The following PCDHA5 variants were observed in gnomAD, a reference collection of about 807,000 sequenced individuals.
The protein encoded by PCDHA5 is protocadherin alpha-5.
In PCDHA5, 43 loss-of-function variants were observed where a neutral mutation model predicts 61.6. The ratio of observed to expected loss-of-function variants is 0.70; its 90% CI spans 0.55 to 0.90. PCDHA5 has a LOEUF of 0.90. Among genes scored for constraint, PCDHA5 ranks in the 40% least tolerant of loss-of-function variants. The pLI, the probability that PCDHA5 is intolerant of heterozygous loss-of-function variation, is 0.00. For missense variants in PCDHA5, 1,298 were observed against 1,222.7 expected, an observed-to-expected ratio of 1.06 and a Z score of -0.92; for synonymous variants, 627 against 543.9, an observed-to-expected ratio of 1.15 and a Z score of -2.13.
intron 1 of PCDHA5, among the ~76,000 whole-genome samples, chr5:140,893,945 A>T (rs1293077869): frequency 6.6e-6 from 1 of 152,180 alleles, no homozygotes; most frequent in Non-Finnish European, 1.5e-5. Flanking sequence ...TTAATTCTGC[A>T]TGACTTTATT....
At chr5:140,869,141 G>A in intron 1 of PCDHA5, 1 of 1,613,314 alleles carries the variant, frequency 6.2e-7, no homozygotes, top group Non-Finnish European at 8.5e-7. Context: ...GGCACCCCAC[G>A]ACTACAGCTC....
intron 1 of PCDHA5, chr5:140,929,360 C>G (rs781864515): frequency 5.3e-6 from 8 of 1,519,748 alleles, no homozygotes; most frequent in Non-Finnish European, 6.2e-6. Flanking sequence ...TTCCTTTGGC[C>G]CGGAGATGGC....
intron 1 of PCDHA5, chr5:140,969,495 C>A: frequency 7.0e-7 from 1 of 1,437,888 alleles, no homozygotes; most frequent in South Asian, 1.5e-5. Flanking sequence ...TATTTCCTCT[C>A]TAGAAAAATA....
intron 3 of PCDHA5, among the ~76,000 whole-genome samples, chr5:140,985,081 G>C (rs1028077723): frequency 1.3e-5 from 2 of 152,088 alleles, no homozygotes; most frequent in African/African-American, 4.8e-5. Flanking sequence ...GAGACTACAG[G>C]CGTGTGCCAC....
intron 1 of PCDHA5, chr5:140,849,988 G>A (rs2150461736): frequency 1.8e-5 from 29 of 1,597,364 alleles, no homozygotes; most frequent in African/African-American, 4.0e-5. Flanking sequence ...GTGGAGCGGC[G>A]GTTGGGCGAG....
rs2150379326 is a variant in PCDHA5, at chr5:140,845,496, G to C, written c.2352+21369G>C. ...GGGGTTGTGCTTTCACAGTGAGAAA[G>C]TCTAAACCTATTTCTTGTACATTAA... On this transcript the variant is annotated intron_variant, in intron 1 of 3. Transcript: ENST00000529859. Among the ~76,000 whole-genome samples, 24 of 149,650 alleles carry C rather than the reference G, an allele frequency of 1.6e-4. 3 individuals are homozygous for C. Among genetic ancestry groups the C allele is most frequent in the Non-Finnish European group, 3.4e-4 (23 of 66,862 alleles).
At chr5:140,838,152 C>T (rs1353802529) in intron 1 of PCDHA5, among the ~76,000 whole-genome samples, 1 of 150,110 alleles carries the variant, frequency 6.7e-6, no homozygotes, top group African/African-American at 2.5e-5. Context: ...TTTACTCTGT[C>T]GCCCTCTCTG....
intron 1 of PCDHA5, chr5:140,841,722 G>A (rs2150321630): frequency 1.2e-6 from 2 of 1,613,870 alleles, no homozygotes; most frequent in Admixed American, 1.7e-5. Context: ...CCAGTGTTCC[G>A]GGTAAAAGAC....
intron 1 of PCDHA5, among the ~76,000 whole-genome samples, chr5:140,956,087 C>T (rs2095255787): frequency 6.6e-6 from 1 of 152,178 alleles, no homozygotes; most frequent in Admixed American, 6.5e-5. Context: ...ATCATGTCAT[C>T]TGCAAACAAA....
At chr5:140,846,097 A>G (rs1554141144) in intron 1 of PCDHA5, among the ~76,000 whole-genome samples, 1 of 149,760 alleles carries the variant, frequency 6.7e-6, no homozygotes, top group African/African-American at 2.4e-5. Context: ...CCTTCCAAGG[A>G]ATGTGTAGAC....
intron 1 of PCDHA5, among the ~76,000 whole-genome samples, chr5:140,952,282 C>A (rs12187982): frequency 0.12 from 17,942 of 151,036 alleles, 1,209 homozygotes; most frequent in Middle Eastern, 0.19. Context: ...AGGGTGGTGG[C>A]CCTCTTCTCA....
At chr5:140,969,221 C>A (rs1222433541) in intron 1 of PCDHA5, 1 of 1,614,040 alleles carries the variant, frequency 6.2e-7, no homozygotes, top group African/African-American at 1.3e-5. Context: ...AGGACCAGGG[C>A]CTTCGGGAGC....
chr5:140,841,843 T>A (rs1777535091), intron 1 of PCDHA5: 16 of 1,613,734 alleles, frequency 9.9e-6, no homozygotes, highest in Non-Finnish European at 1.4e-5. Context: ...GGCTTAGCTC[T>A]CATGATTACT....
chr5:140,936,016 C>G (rs1170221921), intron 1 of PCDHA5, among the ~76,000 whole-genome samples: 1 of 151,732 alleles, frequency 6.6e-6, no homozygotes, highest in Non-Finnish European at 1.5e-5. Context: ...CCTCAGCCTC[C>G]CGAGTAGCGG....
chr5:140,828,608 A>G, intron 1 of PCDHA5: 7 of 1,614,220 alleles, frequency 4.3e-6, no homozygotes, highest in Non-Finnish European at 5.9e-6. Flanking sequence ...CTATAAACTC[A>G]GTTCTAGCGA....
chr5:140,928,297 G>A, intron 1 of PCDHA5: 1 of 1,614,112 alleles, frequency 6.2e-7, no homozygotes, highest in Non-Finnish European at 8.5e-7. Flanking sequence ...CCGAGTGTTT[G>A]CCCAGGACCC....
intron 1 of PCDHA5, chr5:140,828,110 G>A (rs2150151051): frequency 6.2e-7 from 1 of 1,611,644 alleles, no homozygotes; most frequent in African/African-American, 1.3e-5. Flanking sequence ...TACCCCGGAG[G>A]ATAGATTGGG....
rs2098420803 is a variant in PCDHA5, at chr5:141,011,492, A to G, written c.*1555A>G. 1 of 153,698 alleles carries G rather than the reference A, an allele frequency of 6.5e-6. No individual in the cohort carries two copies. Among genetic ancestry groups the G allele is most frequent in the African/African-American group, 2.4e-5 (1 of 41,432 alleles). 9.5% of individuals were successfully genotyped at this position (153,698 alleles called of 1,614,324 possible). A position where few individuals can be genotyped will look rare whatever the true frequency, so the allele number is the denominator to read the frequency against. On this transcript the variant is annotated 3_prime_UTR_variant, in exon 4 of 4. Transcript: ENST00000529859. ...AATTCCATTATATTTCCTTTTGTAC[A>G]CCTGTGAAAAAGTGGAGTAGTGTTT... is the stretch of plus-strand genomic sequence containing the variant.
intron 1 of PCDHA5, among the ~76,000 whole-genome samples, chr5:140,961,831 T>G (rs1447917023): frequency 6.6e-6 from 1 of 152,194 alleles, no homozygotes; most frequent in African/African-American, 2.4e-5. Flanking sequence ...TGTAAGTTAT[T>G]TCAGTGCCTT....
Sources: gnomAD v4.1 joint callset for allele counts (sites outside exome capture counted in the v4.1 genomes callset) on GRCh38, gnomAD v4.1.1 for gene constraint, MANE v1.5 for transcripts, NCBI Gene and HGNC (gene_info 2026-07-23, HGNC 2026-07-21) for gene names.